The following STK11 variants were observed in gnomAD, a reference collection of about 807,000 sequenced individuals.
STK11 encodes serine/threonine kinase 11.
STK11 carries 8 observed loss-of-function variants against 47.3 expected under a neutral mutation model. That is an observed-to-expected ratio of 0.17 (90% CI 0.10 to 0.31). The LOEUF (loss-of-function observed/expected upper bound fraction) is 0.31, where lower values mean the gene tolerates loss of function less well. Ranked by LOEUF, STK11 falls within the 10% of genes least tolerant of loss-of-function variation. STK11 has a pLI of 1.00. For missense variants in STK11, 475 were observed against 605.0 expected (o/e 0.79, Z 2.25); for synonymous variants, 330 against 255.8 (o/e 1.29, Z -2.77).
chr19:1,221,439 G>A (rs2145427659), intron 6 of STK11, 99 bp downstream of exon 6: 27 of 1,448,462 alleles, frequency 1.9e-5, no homozygotes, highest in Non-Finnish European at 2.3e-5. Flanking sequence ...TTGGCCCCGA[G>A]ACCCCAGCAG....
intron 8 of STK11, chr19:1,225,477 G>A: frequency 2.2e-6 from 2 of 893,196 alleles, no homozygotes; most frequent in Non-Finnish European, 2.7e-6. Context: ...CACCATGTTG[G>A]TCAGGCTGGT....
In STK11 at chr19:1,207,332, G is replaced by T. The variant is rs541202808; in HGVS notation, c.290+129G>T. 3.9e-6 allele frequency: 5 copies of T among 1,278,858 alleles called. No individual in the cohort carries two copies. The East Asian group carries it at 1.3e-4, about 33-fold the overall frequency. The allele number at this position is 1,278,858 out of a possible 1,614,324, so 79.2% of individuals were successfully genotyped here. On this transcript the variant is annotated intron_variant, in intron 1 of 9. Transcript: ENST00000326873. ...ACACCCTGAGCTGGACCCGTCTGGC[G>T]CCTGTGTCCTCCGTGCCAGGGAGAG...
intron 1 of STK11, among the ~76,000 whole-genome samples, chr19:1,214,481 G>T (rs1417961312): frequency 6.6e-6 from 1 of 152,214 alleles, no homozygotes; most frequent in African/African-American, 2.4e-5. Context: ...GGCGCCTTCG[G>T]TGAGGGCGAG....
Position 1,224,949 on chromosome 19 carries a change from GC to G in STK11, c.1109-1502del, listed in dbSNP as rs1245056291. The G allele has an allele frequency of 5.1e-6, 5 of 985,448 alleles. No individual in the cohort carries two copies. The African/African-American group carries it at 8.7e-5, about 17-fold the overall frequency. 61.0% of individuals were successfully genotyped at this position (985,448 alleles called of 1,614,324 possible). A position where few individuals can be genotyped will look rare whatever the true frequency, so the allele number is the denominator to read the frequency against. On this transcript the variant is annotated intron_variant, in intron 8 of 9. Coordinates refer to ENST00000326873, the MANE Select transcript of STK11 (RefSeq NM_000455.5). Reference sequence around the variant, plus strand: ...AGCCCCCTTGCGTTGGGGCAGGACAGCCCGGCGCCCTCGGGTCAGGCCATCC... The same window carrying G: ...AGCCCCCTTGCGTTGGGGCAGGACAGCCGGCGCCCTCGGGTCAGGCCATCC...
chr19:1,221,466 G>A, intron 6 of STK11, 126 bp downstream of exon 6: 1 of 1,397,672 alleles, frequency 7.2e-7, no homozygotes, highest in Non-Finnish European at 9.4e-7. Flanking sequence ...AGAGGACTGA[G>A]TGGAGAGGCC....
At chr19:1,223,518 G>A in intron 8 of STK11, 1 of 969,056 alleles carries the variant, frequency 1.0e-6, no homozygotes, top group South Asian at 2.7e-5. Flanking sequence ...GGGTAGGTGA[G>A]AGTCAGGGTG....
In STK11 at chr19:1,223,021, A is replaced by T. The variant is rs755126393; in HGVS notation, c.957A>T (p.Pro319=). 6.3e-7 allele frequency: 1 copy of T among 1,585,674 alleles called. No homozygotes were observed. Among genetic ancestry groups the T allele is most frequent in the Non-Finnish European group, 8.6e-7 (1 of 1,166,548 alleles). Residue 319 remains proline (P), a synonymous_variant, in exon 8 of 10, where the codon CCA becomes CCT. Transcript: ENST00000326873. The part of the protein sequence containing the change: ...FRKKHPPAEA[P]VPIPPSPDTK... Reference sequence around the variant, plus strand: ...AGAAACATCCTCCGGCTGAAGCACCAGTGCCCATCCCACCGAGCCCAGACA... The same window carrying T: ...AGAAACATCCTCCGGCTGAAGCACCTGTGCCCATCCCACCGAGCCCAGACA...
intron 6 of STK11, 126 bp from the exon 7 acceptor site, chr19:1,221,823 G>A (rs2145428260): frequency 1.2e-5 from 13 of 1,106,224 alleles, no homozygotes; most frequent in East Asian, 5.2e-5. Flanking sequence ...GCCTGTGCGC[G>A]GGGTCCCCCT....
chr19:1,210,345 A>G (rs957226308), intron 1 of STK11, among the ~76,000 whole-genome samples: 6 of 152,182 alleles, frequency 3.9e-5, no homozygotes, highest in Non-Finnish European at 5.9e-5. Flanking sequence ...TGTGTCTCGC[A>G]GCGAGTGTCT....
At chr19:1,227,067 C>A in intron 9 of STK11, 1 of 199,702 alleles carries the variant, frequency 5.0e-6, no homozygotes, top group Non-Finnish European at 1.0e-5. Flanking sequence ...GGGGAGGGGC[C>A]GCGGCCTCCA....
chr19:1,211,554 G>A (rs1044941754), intron 1 of STK11, among the ~76,000 whole-genome samples: 20 of 152,170 alleles, frequency 1.3e-4, no homozygotes, highest in African/African-American at 4.6e-4. Context: ...TGCCCGCCTT[G>A]TGGAGCCTCC....
chr19:1,209,273 TC>T (rs1176541588), intron 1 of STK11, among the ~76,000 whole-genome samples: 1 of 151,964 alleles, frequency 6.6e-6, no homozygotes. Flanking sequence ...ACAGTCTCTC[TC>T]CCAGCAGTGA....
In STK11 at chr19:1,218,404, C is replaced by G; in HGVS notation, c.291-13C>G. 6.2e-7 allele frequency: 1 copy of G among 1,610,512 alleles called. No homozygotes were observed. Among genetic ancestry groups the G allele is most frequent in the South Asian group, 1.1e-5 (1 of 91,012 alleles). On this transcript the variant is annotated splice_polypyrimidine_tract_variant and intron_variant, in intron 1 of 9. Transcript: ENST00000326873. ...TTGGGTCGGCTGATACACCCCTGTCCTCTCTGTCCCAGGGAAATTCAACTA... is the reference window on the plus strand; with the variant it reads ...TTGGGTCGGCTGATACACCCCTGTCGTCTCTGTCCCAGGGAAATTCAACTA...
chr19:1,212,687 C>G (rs1325397734), intron 1 of STK11, among the ~76,000 whole-genome samples: 6 of 151,882 alleles, frequency 4.0e-5, no homozygotes, highest in Non-Finnish European at 7.4e-5. Context: ...ACTACAGGTG[C>G]CTGCCACCAA....
At position 1,210,475 on chromosome 19, in the gene STK11, C is replaced by T. The variant is rs186546669; in HGVS notation, c.290+3272C>T. ...CGGCGTGAGTCCCGTCTCTTCCCTT[C>T]CTTCCCAGAAAGGCAGCCCTGGAGT... On this transcript the variant is annotated intron_variant, in intron 1 of 9. Transcript: ENST00000326873. Among the ~76,000 whole-genome samples the T allele has an allele frequency of 2.0e-3, 300 of 152,314 alleles. 1 individual carries two copies. Among genetic ancestry groups the T allele is most frequent in the African/African-American group, 6.8e-3 (283 of 41,568 alleles).
chr19:1,224,083 T>C (rs1278180441), intron 8 of STK11: 2 of 995,722 alleles, frequency 2.0e-6, no homozygotes, highest in East Asian at 1.8e-4. Flanking sequence ...CCCCATTAGG[T>C]CCCTCAGCAC....
intron 1 of STK11, among the ~76,000 whole-genome samples, chr19:1,217,542 C>G (rs2080752414): frequency 6.6e-6 from 1 of 152,184 alleles, no homozygotes; most frequent in Non-Finnish European, 1.5e-5. Context: ...GTGCCCCACC[C>G]TTGTGACAGG....
intron 2 of STK11, 32 bp from the exon 3 acceptor site, chr19:1,219,292 G>T: frequency 6.4e-7 from 1 of 1,556,952 alleles, no homozygotes; most frequent in African/African-American, 1.4e-5. Context: ...GAGTGGGGCC[G>T]CCCCCTGAGC....
rs199967210 is a variant in STK11 at position 1,211,318 on chromosome 19, C to T, written c.290+4115C>T. ...CAATTAATTAAAATAAAATCAGTGC[C>T]ATAGGCTGTTTCTGGTAGGCAGTGG... On this transcript the variant is annotated intron_variant, in intron 1 of 9. Coordinates refer to ENST00000326873, the MANE Select transcript of STK11 (RefSeq NM_000455.5). 7.9e-5 allele frequency among the ~76,000 whole-genome samples: 12 copies of T among 152,234 alleles called. No homozygotes were observed. The East Asian group carries it at 1.7e-3, about 22-fold the overall frequency.
Sources: allele counts gnomAD v4.1 joint callset (sites outside exome capture counted in the v4.1 genomes callset), GRCh38; gene constraint gnomAD v4.1.1; transcripts MANE v1.5; gene names NCBI Gene and HGNC (gene_info 2026-07-23, HGNC 2026-07-21).